Variants in EPHB1 observed in about 807,000 individuals in gnomAD.
EPHB1 encodes EPH receptor B1, also known as ephrin type-B receptor 1.
In EPHB1, 30 loss-of-function variants were observed where a neutral mutation model predicts 94.4. The ratio of observed to expected loss-of-function variants is 0.32; its 90% confidence interval spans 0.24 to 0.43. EPHB1 has a LOEUF of 0.43. EPHB1 is among the 20% of genes least tolerant of loss of function. The pLI, the probability that EPHB1 is intolerant of heterozygous loss-of-function variation, is 1.00. For missense variants in EPHB1, 1,055 were observed against 1,308.3 expected (o/e 0.81, Z 2.99); for synonymous variants, 522 against 489.1 (o/e 1.07, Z -0.89).
At chr3:134,986,741 C>T (rs937042177) in intron 3 of EPHB1, among the ~76,000 whole-genome samples, 2 of 151,658 alleles carry the variant, frequency 1.3e-5, no homozygotes, top group African/African-American at 4.8e-5. Context: ...CACACACACA[C>T]ACATCCCAAA....
chr3:134,963,768 A>G (rs568388077), intron 3 of EPHB1, among the ~76,000 whole-genome samples: 3 of 152,288 alleles, frequency 2.0e-5, no homozygotes, highest in South Asian at 2.1e-4. Flanking sequence ...GTAATTTTTG[A>G]TGGGAGTTGG....
intron 3 of EPHB1, among the ~76,000 whole-genome samples, chr3:135,016,888 C>G (rs974379090): frequency 1.2e-4 from 18 of 152,176 alleles, no homozygotes; most frequent in African/African-American, 4.1e-4. Flanking sequence ...GGTATGTTTG[C>G]CCGCTGCAGA....
At chr3:134,847,126 G>T (rs372507702) in intron 1 of EPHB1, among the ~76,000 whole-genome samples, 1 of 151,956 alleles carries the variant, frequency 6.6e-6, no homozygotes, top group Admixed American at 6.6e-5. Context: ...CCTGTGGAAG[G>T]CTCCAGGATA....
At chr3:134,903,157 A>AT (rs2038238471) in intron 1 of EPHB1, among the ~76,000 whole-genome samples, 1 of 152,220 alleles carries the variant, frequency 6.6e-6, no homozygotes, top group African/African-American at 2.4e-5. Context: ...TTAAAAATAA[A>AT]TAGAAATAAA....
At chr3:135,232,217 G>C (rs1943548412) in intron 12 of EPHB1, among the ~76,000 whole-genome samples, 1 of 152,218 alleles carries the variant, frequency 6.6e-6, no homozygotes, top group East Asian at 1.9e-4. Flanking sequence ...AGGAAAATGG[G>C]TCAGTGTACT....
intron 7 of EPHB1, among the ~76,000 whole-genome samples, chr3:135,162,786 C>G (rs1004489966): frequency 2.0e-5 from 3 of 152,194 alleles, no homozygotes; most frequent in African/African-American, 7.2e-5. Context: ...CCTATTATCA[C>G]TATCTGCCCC....
chr3:135,006,064 G>T (rs989521546), intron 3 of EPHB1, among the ~76,000 whole-genome samples: 7 of 152,182 alleles, frequency 4.6e-5, no homozygotes, highest in African/African-American at 1.7e-4. Flanking sequence ...GAAGGTCCTT[G>T]CTTCCCCTTC....
intron 1 of EPHB1, among the ~76,000 whole-genome samples, chr3:134,906,287 G>C (rs986220683): frequency 6.6e-6 from 1 of 152,104 alleles, no homozygotes; most frequent in African/African-American, 2.4e-5. Flanking sequence ...TCTTCTGTAG[G>C]TACACTCTAT....
intron 1 of EPHB1, among the ~76,000 whole-genome samples, chr3:134,812,690 T>A (rs1370378093): frequency 1.3e-5 from 2 of 152,232 alleles, no homozygotes; most frequent in African/African-American, 4.8e-5. Flanking sequence ...CAGTCTGTTT[T>A]CCAAAGTGGC....
At chr3:135,149,879 A>G (rs907667667) in intron 5 of EPHB1, among the ~76,000 whole-genome samples, 1 of 152,104 alleles carries the variant, frequency 6.6e-6, no homozygotes, top group Admixed American at 6.5e-5. Flanking sequence ...ACTGCTGGGG[A>G]GTCCATACCA....
chr3:134,998,692 C>T lies in EPHB1; in HGVS notation c.805+46640C>T, dbSNP rs559771560. On this transcript the variant is annotated intron_variant, in intron 3 of 15. Transcript: ENST00000398015. ...GAGCTAGAAACTTCTTAATATATTG[C>T]GTTAAATCATTTATTCATTTATCTG... Among the ~76,000 whole-genome samples the T allele has an allele frequency of 2.5e-3, 386 of 152,240 alleles. 3 individuals carry two copies. Among genetic ancestry groups the T allele is most frequent in the Non-Finnish European group, 1.4e-3 (94 of 68,014 alleles).
At chr3:135,007,616 A>G (rs907576897) in intron 3 of EPHB1, among the ~76,000 whole-genome samples, 2 of 152,136 alleles carry the variant, frequency 1.3e-5, no homozygotes, top group Non-Finnish European at 2.9e-5. Context: ...GGAAGTGCAT[A>G]TTCACCTGCA....
chr3:134,815,350 G>A (rs1214641461), intron 1 of EPHB1, among the ~76,000 whole-genome samples: 2 of 151,958 alleles, frequency 1.3e-5, no homozygotes, highest in Non-Finnish European at 2.9e-5. Context: ...GGTGGCTCAA[G>A]GAGGAAAATA....
At chr3:134,807,003 T>C (rs1335644347) in intron 1 of EPHB1, among the ~76,000 whole-genome samples, 2 of 152,208 alleles carry the variant, frequency 1.3e-5, no homozygotes, top group Admixed American at 6.5e-5. Flanking sequence ...TTAGGTTTGC[T>C]CTGCACGGGA....
At chr3:134,956,706 A>G (rs866105220) in intron 3 of EPHB1, among the ~76,000 whole-genome samples, 3 of 152,186 alleles carry the variant, frequency 2.0e-5, no homozygotes, top group Admixed American at 1.3e-4. Context: ...TTCTCTGCCT[A>G]CTTCTCAAAG....
At chr3:135,109,705 C>A (rs1447315679) in intron 4 of EPHB1, among the ~76,000 whole-genome samples, 1 of 152,234 alleles carries the variant, frequency 6.6e-6, no homozygotes, top group Non-Finnish European at 1.5e-5. Flanking sequence ...GAGAAGGTGA[C>A]TGCCCTACCC....
At chr3:134,986,542 G>C (rs937613395) in intron 3 of EPHB1, among the ~76,000 whole-genome samples, 5 of 152,124 alleles carry the variant, frequency 3.3e-5, no homozygotes, top group African/African-American at 1.2e-4. Flanking sequence ...ATACCTAAGT[G>C]ATGTCATGAT....
intron 1 of EPHB1, among the ~76,000 whole-genome samples, chr3:134,883,661 G>A (rs1188344973): frequency 6.6e-6 from 1 of 152,210 alleles, no homozygotes; most frequent in Non-Finnish European, 1.5e-5. Context: ...CCCTGAATTA[G>A]CCATCAGAAA....
At chr3:135,236,715 T>C (rs982665359) in intron 12 of EPHB1, among the ~76,000 whole-genome samples, 1 of 152,180 alleles carries the variant, frequency 6.6e-6, no homozygotes, top group Admixed American at 6.5e-5. Flanking sequence ...AAATATTTGG[T>C]GAACAAGTCC....
Sources: gnomAD v4.1 joint callset for allele counts (sites outside exome capture counted in the v4.1 genomes callset) on GRCh38, gnomAD v4.1.1 for gene constraint, MANE v1.5 for transcripts, NCBI Gene and HGNC (gene_info 2026-07-23, HGNC 2026-07-21) for gene names.